Variants in DYNC1LI1 observed in about 807,000 individuals in gnomAD.
DYNC1LI1 encodes the protein dynein cytoplasmic 1 light intermediate chain 1.
In DYNC1LI1, 19 loss-of-function variants were observed where a neutral mutation model predicts 63.8. The ratio of observed to expected loss-of-function variants is 0.30; its 90% CI spans 0.21 to 0.44. The LOEUF (loss-of-function observed/expected upper bound fraction) is 0.44. Ranked by LOEUF, DYNC1LI1 falls within the 20% of genes least tolerant of loss-of-function variation. DYNC1LI1 has a pLI of 1.00. For missense variants in DYNC1LI1, 565 were observed against 630.2 expected (o/e 0.90, Z 1.11); for synonymous variants, 225 against 232.3 (o/e 0.97, Z 0.28).
At chr3:32,546,693 C>T (rs1218533142) in intron 2 of DYNC1LI1, among the ~76,000 whole-genome samples, 2 of 152,030 alleles carry the variant, frequency 1.3e-5, no homozygotes, top group Admixed American at 1.3e-4. Context: ...CACCTAAGGG[C>T]CAATCAAGGG....
Position 32,527,641 on chromosome 3 carries a change from C to T in DYNC1LI1, c.1463-733G>A, listed in dbSNP as rs1436870787. ...TTGTTTAAACCGAGTTACTACACAA[C>T]CCAATAATTCCACTTAGGTATTTAC... is the stretch of plus-strand genomic sequence containing the variant. On this transcript the variant is annotated intron_variant, in intron 12 of 12. Transcript: ENST00000273130. 4.6e-5 allele frequency among the ~76,000 whole-genome samples: 7 copies of T among 152,124 alleles called. 1 individual carries two copies. The highest frequency in any genetic ancestry group is 3.9e-4 in the Admixed American group (6 of 15,270).
rs1019557946 is a variant in DYNC1LI1, at chr3:32,528,585, T to C, written c.1323A>G (p.Glu441=). The change falls in exon 12 of 13, where the codon GAA becomes GAG. Residue 441 remains glutamate, a synonymous_variant. Transcript: ENST00000273130. The stretch of plus-strand genomic sequence containing the variant: ...TGTTGAAGAAATTTGCCAGAACGCC[T>C]TCACTTGTAGCTCCAGCTATAAAAA... ...DPNMKAGATS[E]GVLANFFNSL... is the part of the protein sequence containing the mutation. 14 of 1,610,736 alleles carry C rather than the reference T, an allele frequency of 8.7e-6. No homozygotes were observed. Among genetic ancestry groups the C allele is most frequent in the Non-Finnish European group, 1.2e-5 (14 of 1,178,698 alleles).
At chr3:32,538,625 T>C (rs1190873862) in intron 5 of DYNC1LI1, among the ~76,000 whole-genome samples, 1 of 151,700 alleles carries the variant, frequency 6.6e-6, no homozygotes, top group African/African-American at 2.4e-5. Flanking sequence ...GGCGTGCACC[T>C]AGGAGGCGGA....
At chr3:32,539,958 G>A (rs561885510) in intron 5 of DYNC1LI1, among the ~76,000 whole-genome samples, 3 of 148,958 alleles carry the variant, frequency 2.0e-5, no homozygotes, top group East Asian at 2.0e-4. Flanking sequence ...TCCACCTCCC[G>A]AGTACATGCC....
chr3:32,537,465 A>G (rs1051295258), intron 5 of DYNC1LI1, among the ~76,000 whole-genome samples: 2 of 152,070 alleles, frequency 1.3e-5, no homozygotes, highest in Non-Finnish European at 2.9e-5. Context: ...AAAAAATCTA[A>G]CATCTATTTT....
At chr3:32,554,963 G>A (rs1698093128) in intron 2 of DYNC1LI1, among the ~76,000 whole-genome samples, 1 of 144,158 alleles carries the variant, frequency 6.9e-6, no homozygotes, top group Non-Finnish European at 1.5e-5. Flanking sequence ...TCCGCATCCC[G>A]GGTTAAAGTG....
chr3:32,558,236 C>T (rs1262094159), intron 2 of DYNC1LI1, among the ~76,000 whole-genome samples: 3 of 151,604 alleles, frequency 2.0e-5, no homozygotes, highest in African/African-American at 7.3e-5. Context: ...CTGTCTCAAA[C>T]AACAACAACA....
At chr3:32,568,827 T>C (rs2125447986) in intron 2 of DYNC1LI1, among the ~76,000 whole-genome samples, 1 of 152,378 alleles carries the variant, frequency 6.6e-6, no homozygotes, top group African/African-American at 2.4e-5. Context: ...TCAATTTCAA[T>C]GAGGTCATAT....
chr3:32,557,869 G>A (rs989276411), intron 2 of DYNC1LI1, among the ~76,000 whole-genome samples: 29 of 152,126 alleles, frequency 1.9e-4, no homozygotes, highest in East Asian at 1.9e-4. Context: ...ATACAATTAC[G>A]CAAGTAGAGA....
At chr3:32,556,335 C>T (rs1462026303) in intron 2 of DYNC1LI1, among the ~76,000 whole-genome samples, 4 of 152,182 alleles carry the variant, frequency 2.6e-5, no homozygotes, top group Non-Finnish European at 5.9e-5. Flanking sequence ...TCATCTTAGA[C>T]GTGTGTTTCT....
intron 2 of DYNC1LI1, among the ~76,000 whole-genome samples, chr3:32,551,940 A>C (rs989566258): frequency 2.0e-5 from 3 of 152,128 alleles, no homozygotes; most frequent in Non-Finnish European, 2.9e-5. Context: ...TTCCACCTAA[A>C]ATCTGGTGAC....
intron 2 of DYNC1LI1, among the ~76,000 whole-genome samples, chr3:32,567,951 A>G (rs1459216551): frequency 2.0e-5 from 3 of 151,810 alleles, no homozygotes; most frequent in Non-Finnish European, 4.4e-5. Flanking sequence ...TGATCCGCTC[A>G]CCTAGGCCTC....
intron 12 of DYNC1LI1, among the ~76,000 whole-genome samples, chr3:32,527,236 G>A (rs1415398255): frequency 6.6e-6 from 1 of 152,128 alleles, no homozygotes; most frequent in Non-Finnish European, 1.5e-5. Flanking sequence ...GGTGGAGGTT[G>A]CAGTGAGCTG....
At chr3:32,564,908 A>T (rs567953918) in intron 2 of DYNC1LI1, among the ~76,000 whole-genome samples, 1 of 152,334 alleles carries the variant, frequency 6.6e-6, no homozygotes, top group East Asian at 1.9e-4. Flanking sequence ...TTCTCTTAAC[A>T]GATCTCTGAA....
At chr3:32,531,768 T>A (rs1490680073) in intron 8 of DYNC1LI1, 1 of 152,188 alleles carries the variant, frequency 6.6e-6, no homozygotes, top group Non-Finnish European at 1.5e-5. Flanking sequence ...TAAATAAAAA[T>A]TATTTTTTCT....
intron 2 of DYNC1LI1, among the ~76,000 whole-genome samples, chr3:32,547,831 T>C (rs910609649): frequency 6.6e-6 from 1 of 152,156 alleles, no homozygotes; most frequent in African/African-American, 2.4e-5. Context: ...TTATTCACAA[T>C]AGCCAAGATA....
chr3:32,534,856 T>G (rs1394733578), intron 6 of DYNC1LI1, among the ~76,000 whole-genome samples: 1 of 152,180 alleles, frequency 6.6e-6, no homozygotes, highest in African/African-American at 2.4e-5. Flanking sequence ...CATAATCAAT[T>G]TAACTTAGGA....
intron 5 of DYNC1LI1, among the ~76,000 whole-genome samples, chr3:32,540,655 T>C (rs1697867475): frequency 7.2e-6 from 1 of 139,538 alleles, no homozygotes; most frequent in South Asian, 2.2e-4. Context: ...TACTCCAGCC[T>C]GGGCAACAAG....
intron 2 of DYNC1LI1, among the ~76,000 whole-genome samples, chr3:32,566,277 T>A (rs909215862): frequency 6.6e-6 from 1 of 151,496 alleles, no homozygotes; most frequent in African/African-American, 2.4e-5. Context: ...GCCTCAAAAA[T>A]AAAAATTCTG....
Sources: allele counts gnomAD v4.1 joint callset (sites outside exome capture counted in the v4.1 genomes callset), GRCh38; gene constraint gnomAD v4.1.1; transcripts MANE v1.5; gene names NCBI Gene and HGNC (gene_info 2026-07-23, HGNC 2026-07-21).